MMD2: variants seen among roughly 807,000 people sequenced by gnomAD.
The protein encoded by MMD2 is monocyte to macrophage differentiation factor 2.
A neutral mutation model predicts 33.5 loss-of-function variants in MMD2; 30 were observed. That is an observed-to-expected ratio of 0.90 (90% CI 0.67 to 1.22). MMD2 has a LOEUF of 1.22. Ranked by LOEUF, MMD2 falls within the 50% of genes most tolerant of loss-of-function variation. The pLI is 0.00. For missense variants in MMD2, 364 were observed against 325.4 expected, an observed-to-expected ratio of 1.12 and a Z score of -0.91; for synonymous variants, 129 against 123.0, an observed-to-expected ratio of 1.05 and a Z score of -0.32.
intron 2 of MMD2, among the ~76,000 whole-genome samples, chr7:4,923,194 C>A (rs950650805): frequency 6.6e-6 from 1 of 152,028 alleles, no homozygotes; most frequent in Admixed American, 6.6e-5. Flanking sequence ...GCCTCTGCCT[C>A]CTGGGTTCAA....
intron 1 of MMD2, among the ~76,000 whole-genome samples, chr7:4,945,239 C>CTTCTTCTTCTTCTTCTTCCT (rs71033001): frequency 7.0e-6 from 1 of 142,112 alleles, no homozygotes; most frequent in Non-Finnish European, 1.5e-5. Context: ...TCTTCTTCTT[C>CTTCTTCTTCTTCTTCTTCCT]CTCTCTCTCT....
chr7:4,936,185 CAA>C (rs61343659), intron 1 of MMD2, among the ~76,000 whole-genome samples: 58 of 84,058 alleles, frequency 6.9e-4, no homozygotes, highest in Non-Finnish European at 8.4e-4. Flanking sequence ...AACTCTGTCT[CAA>C]AAAAAAAAAA....
rs752340276 is a variant in MMD2 at position 4,920,242 on chromosome 7, G to A, written c.219C>T (p.Gly73=). ...DWETISAWIY[G]LGLCGLFVVS... is the part of the protein sequence containing the mutation. ...CCACGAAGAGGCCGCAGAGGCCGAG[G>A]CCGTAGATCCAGGCAGAGATGGTCT... Residue 73 remains glycine, a synonymous_variant, in exon 3 of 7, where the codon GGC becomes GGT. Transcript: ENST00000401401. 4.4e-6 allele frequency: 7 copies of A among 1,597,096 alleles called. No homozygotes were observed. In the East Asian group the frequency reaches 1.6e-4, roughly 36 times the overall value.
At chr7:4,934,115 A>T (rs1785670293) in intron 1 of MMD2, among the ~76,000 whole-genome samples, 1 of 152,106 alleles carries the variant, frequency 6.6e-6, no homozygotes, top group East Asian at 1.9e-4. Context: ...TTTTGACTAC[A>T]GATGAGGTTT....
chr7:4,896,052 G>A, the MMD2 span, among the ~76,000 whole-genome samples: 1 of 152,024 alleles, frequency 6.6e-6, no homozygotes, highest in African/African-American at 2.4e-5. Context: ...CCTCCTTTTG[G>A]GATCTGTGAG....
At position 4,907,591 on chromosome 7, in the gene MMD2, G is replaced by A. The variant is rs771995920; in HGVS notation, c.546C>T (p.Thr182=). The A allele has an allele frequency of 7.7e-5, 124 of 1,612,376 alleles. 1 individual carries two copies. The highest frequency in any genetic ancestry group is 1.6e-4 in the East Asian group (7 of 44,868). Residue 182 remains threonine, a synonymous_variant, in exon 7 of 7, where the codon ACC becomes ACT. Coordinates refer to ENST00000401401, the MANE Select transcript of MMD2 (RefSeq NM_198403.4). Reference sequence around the variant, plus strand: ...CGGTCACCAGCTCCCAGATGCCCTCGGTGTTGGGCTGTCGGCAAGGACAAG... The same window carrying A: ...CGGTCACCAGCTCCCAGATGCCCTCAGTGTTGGGCTGTCGGCAAGGACAAG... ...PALVILSMPN[T]EGIWELVTGG...
intron 2 of MMD2, among the ~76,000 whole-genome samples, chr7:4,920,558 T>C (rs112755686): frequency 1.8e-4 from 27 of 149,172 alleles, no homozygotes; most frequent in African/African-American, 5.9e-4. Context: ...TTTCCTTCTT[T>C]CCTTCCAGCC....
At chr7:4,925,844 T>A (rs1785410427) in intron 1 of MMD2, among the ~76,000 whole-genome samples, 1 of 152,236 alleles carries the variant, frequency 6.6e-6, no homozygotes, top group African/African-American at 2.4e-5. Context: ...AGATGGAGTC[T>A]CGCTCTGTCG....
rs1304015606 is a variant in MMD2 at position 4,906,271 on chromosome 7, G to A, written c.*1125C>T. 2.6e-6 allele frequency: 1 copy of A among 386,192 alleles called. No homozygotes were observed. The highest frequency in any genetic ancestry group is 2.1e-5 in the African/African-American group (1 of 48,378). 23.9% of individuals were successfully genotyped at this position (386,192 alleles called of 1,614,324 possible). On this transcript the variant is annotated 3_prime_UTR_variant, in exon 7 of 7. Coordinates refer to ENST00000401401, the MANE Select transcript of MMD2 (RefSeq NM_198403.4). ...TGGACAGAGAGGCTGGCCCCGCCCT[G>A]ACGGGGGCTGAAGAACAGGCCCCCA...
At chr7:4,938,828 C>T (rs916844988) in intron 1 of MMD2, among the ~76,000 whole-genome samples, 1 of 152,060 alleles carries the variant, frequency 6.6e-6, no homozygotes, top group African/African-American at 2.4e-5. Flanking sequence ...TTTTTAAAAT[C>T]CTATCAAATA....
rs922187375 is a variant in MMD2, at chr7:4,940,486, G to A, written c.48-14954C>T. 2.0e-5 allele frequency among the ~76,000 whole-genome samples: 3 copies of A among 152,206 alleles called. No homozygotes were observed. Among genetic ancestry groups the A allele is most frequent in the Admixed American group, 6.6e-5 (1 of 15,266 alleles). On this transcript the variant is annotated intron_variant, in intron 1 of 6. Transcript: ENST00000401401. The surrounding 1 kb of genome is among the most constrained non-coding windows in gnomAD (Gnocchi z 5.0). ...TTTGCCCGGGCTCCTACACAAAGGG[G>A]GTTCTGTCCGTCTGTCCCACAGAGG...
the MMD2 span, among the ~76,000 whole-genome samples, chr7:4,893,197 G>A: frequency 3.3e-5 from 5 of 151,846 alleles, no homozygotes; most frequent in African/African-American, 9.7e-5. Flanking sequence ...AGAAAGGTCC[G>A]ATCCAGACCC....
intron 1 of MMD2, among the ~76,000 whole-genome samples, chr7:4,931,036 A>G (rs1785572194): frequency 6.6e-6 from 1 of 152,088 alleles, no homozygotes; most frequent in Non-Finnish European, 1.5e-5. Context: ...TTTTTAGTAG[A>G]GATGGGGTTT....
At chr7:4,947,761 G>A (rs1361457762) in intron 1 of MMD2, among the ~76,000 whole-genome samples, 1 of 140,814 alleles carries the variant, frequency 7.1e-6, no homozygotes, top group Admixed American at 7.5e-5. Context: ...GCACAGTGGT[G>A]CGATATCAGC....
At chr7:4,907,657 G>C (rs921311223) in intron 6 of MMD2, 58 bp from the exon 7 acceptor site, 63 of 1,558,260 alleles carry the variant, frequency 4.0e-5, no homozygotes, top group East Asian at 3.0e-4. Flanking sequence ...GTGGCTGAAA[G>C]CACCAGCCAG....
intron 1 of MMD2, among the ~76,000 whole-genome samples, chr7:4,929,558 T>A (rs1358286396): frequency 1.3e-5 from 2 of 151,894 alleles, no homozygotes; most frequent in African/African-American, 4.8e-5. Flanking sequence ...GGAGTCTTGC[T>A]CTGTCGCCCA....
intron 1 of MMD2, among the ~76,000 whole-genome samples, chr7:4,952,848 C>T (rs1786285028): frequency 6.6e-6 from 1 of 152,012 alleles, no homozygotes; most frequent in Non-Finnish European, 1.5e-5. Flanking sequence ...CACACCACCA[C>T]ACCTGGCTAA....
At chr7:4,905,018 G>A (rs1173803729), downstream of MMD2, among the ~76,000 whole-genome samples, 2 of 152,172 alleles carry the variant, frequency 1.3e-5, no homozygotes, top group African/African-American at 2.4e-5. This position sits in a 1 kb window ranked among gnomAD's most constrained non-coding sequence, Gnocchi z 5.0. Context: ...GCATGGACAA[G>A]GGGATCAACA....
intron 3 of MMD2, among the ~76,000 whole-genome samples, chr7:4,916,684 T>A (rs1785153027): frequency 6.6e-6 from 1 of 151,994 alleles, no homozygotes. Context: ...CACCTGGCCA[T>A]CCTCCCCTAC....
Sources: gnomAD v4.1 joint callset for allele counts (sites outside exome capture counted in the v4.1 genomes callset) on GRCh38, gnomAD v4.1.1 for gene constraint, Gnocchi (gnomAD v3.1) non-coding constraint, MANE v1.5 for transcripts, NCBI Gene and HGNC (gene_info 2026-07-23, HGNC 2026-07-21) for gene names.